The following ATXN1L variants were observed in gnomAD, a reference collection of about 807,000 sequenced individuals.
ATXN1L encodes the protein ataxin 1 like, also known as ataxin-1-like.
Under a neutral mutation model 43.4 loss-of-function variants are expected in ATXN1L, and 8 were observed. The observed-to-expected ratio is 0.18, with a 90% CI of 0.11 to 0.33. The LOEUF (loss-of-function observed/expected upper bound fraction) is 0.33. Among genes scored for constraint, ATXN1L ranks in the 10% least tolerant of loss-of-function variants. ATXN1L has a pLI of 1.00. For synonymous variants in ATXN1L, 379 were observed against 360.6 expected, an observed-to-expected ratio of 1.05 and a Z score of -0.58; for missense variants, 856 against 885.4, an observed-to-expected ratio of 0.97 and a Z score of 0.42.
At position 71,851,282 on chromosome 16, in the gene ATXN1L, G is replaced by C; in HGVS notation, c.1542G>C (p.Gln514His). 1 of 1,551,666 alleles carries C rather than the reference G, an allele frequency of 6.4e-7. No individual in the cohort carries two copies. The highest frequency in any genetic ancestry group is 8.7e-7 in the Non-Finnish European group (1 of 1,146,986). The change falls in exon 3 of 3, where the codon CAG becomes CAC. Residue 514 changes from glutamine to histidine, a missense_variant. Gln to His is a conservative substitution (Grantham distance 24). Transcript: ENST00000427980. This position sits in a 1 kb window ranked among gnomAD's most constrained non-coding sequence, Gnocchi z 4.9. ...KIDSSTVVDI[Q>H]ESQWPGFVML... The stretch of plus-strand genomic sequence containing the variant: ...ACTCTAGCACGGTCGTGGACATTCA[G>C]GAGAGCCAATGGCCTGGATTTGTCA...
rs1343153012 is a variant in ATXN1L at position 71,857,083 on chromosome 16, C to G, written c.*5273C>G. 1.8e-5 allele frequency: 3 copies of G among 167,062 alleles called. No homozygotes were observed. The highest frequency in any genetic ancestry group is 1.3e-4 in the Admixed American group (2 of 15,278). 10.3% of individuals were successfully genotyped at this position (167,062 alleles called of 1,614,324 possible). On this transcript the variant is annotated 3_prime_UTR_variant, in exon 3 of 3. Transcript: ENST00000427980. Reference sequence around the variant, plus strand: ...GCATTAATAATTCTAAGGATAATCTCTATTTTGTTGTGCTTTTTTGTAACT... The same window carrying G: ...GCATTAATAATTCTAAGGATAATCTGTATTTTGTTGTGCTTTTTTGTAACT...
At position 71,850,054 on chromosome 16, in the gene ATXN1L, C is replaced by T. The variant is rs1443426154; in HGVS notation, c.314C>T (p.Pro105Leu). 1 of 1,551,550 alleles carries T rather than the reference C, an allele frequency of 6.4e-7. No individual in the cohort carries two copies. Among genetic ancestry groups the T allele is most frequent in the Non-Finnish European group, 8.7e-7 (1 of 1,146,996 alleles). Reference sequence around the variant, plus strand: ...CTCCCATCTGTGGTGAATATGAGTCCCTTGCCCCCAACGTTTAATGTAGCG... The same window carrying T: ...CTCCCATCTGTGGTGAATATGAGTCTCTTGCCCCCAACGTTTAATGTAGCG... ...TGLPSVVNMSPLPPTFNVASS... is the reference protein window; with the variant it reads ...TGLPSVVNMSLLPPTFNVASS... The change falls in exon 3 of 3, where the codon CCC (proline) becomes CTC (leucine). Residue 105 changes from proline (P) to leucine (L), a missense_variant. By Grantham distance (98) the Pro-to-Leu change is moderately conservative. Coordinates refer to ENST00000427980, the MANE Select transcript of ATXN1L (RefSeq NM_001137675.4).
At chr16:71,849,314 G>T (rs2033474749) in intron 2 of ATXN1L, among the ~76,000 whole-genome samples, 1 of 151,710 alleles carries the variant, frequency 6.6e-6, no homozygotes, top group Admixed American at 6.6e-5. Context: ...GAGACAAGGT[G>T]CTTATGAGAC....
intron 1 of ATXN1L, among the ~76,000 whole-genome samples, chr16:71,847,065 C>T (rs1409981722): frequency 6.6e-6 from 1 of 152,160 alleles, no homozygotes; most frequent in African/African-American, 2.4e-5. Flanking sequence ...AATTTGTTTT[C>T]CCACTGTGTT....
chr16:71,851,674 A>G lies in ATXN1L; in HGVS notation c.1934A>G (p.Gln645Arg). 1.3e-6 allele frequency: 2 copies of G among 1,508,774 alleles called. No individual in the cohort carries two copies. The highest frequency in any genetic ancestry group is 1.8e-6 in the Non-Finnish European group (2 of 1,122,936). The allele number at this position is 1,508,774 out of a possible 1,614,324, so 93.5% of individuals were successfully genotyped here. A position where few individuals can be genotyped will look rare whatever the true frequency, so the allele number is the denominator to read the frequency against. The change falls in exon 3 of 3, where the codon CAG becomes CGG. Residue 645 changes from glutamine to arginine, a missense_variant. By Grantham distance (43) the Gln-to-Arg change is conservative. Coordinates refer to ENST00000427980, the MANE Select transcript of ATXN1L (RefSeq NM_001137675.4). The surrounding 1 kb of genome is among the most constrained non-coding windows in gnomAD (Gnocchi z 4.9). ...VEPSQPESGA[Q>R]ACWPAPSFQR... The stretch of plus-strand genomic sequence containing the variant: ...CCTTCCCAGCCTGAGTCCGGTGCTC[A>G]GGCCTGCTGGCCAGCCCCGAGCTTC...
rs191935044 is a variant in ATXN1L, at chr16:71,853,594, G to C, written c.*1784G>C. 6.0e-6 allele frequency: 1 copy of C among 167,100 alleles called. No individual in the cohort carries two copies. Among genetic ancestry groups the C allele is most frequent in the Admixed American group, 6.5e-5 (1 of 15,286 alleles). The allele number at this position is 167,100 out of a possible 1,614,324, so 10.4% of individuals were successfully genotyped here. ...ACTTTCGGCAAGTCTCGTGACCTCT[G>C]GCTCTTTCACTTCCTCCCCACCTGC... On this transcript the variant is annotated 3_prime_UTR_variant, in exon 3 of 3. Transcript: ENST00000427980.
Position 71,850,820 on chromosome 16 carries a change from C to G in ATXN1L, c.1080C>G (p.Pro360=). 6.4e-7 allele frequency: 1 copy of G among 1,551,696 alleles called. No individual in the cohort carries two copies. The highest frequency in any genetic ancestry group is 8.7e-7 in the Non-Finnish European group (1 of 1,146,994). ...RVVAAQRKEE[P]SPLNLSHHTP... ...TGGCAGCTCAGAGGAAGGAGGAACC[C>G]AGCCCCCTCAACCTATCCCATCATA... Residue 360 remains proline (P), a synonymous_variant, in exon 3 of 3, where the codon CCC becomes CCG. Coordinates refer to ENST00000427980, the MANE Select transcript of ATXN1L (RefSeq NM_001137675.4).
Position 71,852,440 on chromosome 16 carries a change from AC to A in ATXN1L, c.*632del, listed in dbSNP as rs890654910. ...TCATAGCCCTTCCCCATCTCTCCTCACCATTCTGCCTACAAGGCTTCTAGCA... is the reference window on the plus strand; with the variant it reads ...TCATAGCCCTTCCCCATCTCTCCTCACATTCTGCCTACAAGGCTTCTAGCA... On this transcript the variant is annotated 3_prime_UTR_variant, in exon 3 of 3. Transcript: ENST00000427980. 7.8e-5 allele frequency: 13 copies of A among 167,078 alleles called. No individual in the cohort carries two copies. Among genetic ancestry groups the A allele is most frequent in the African/African-American group, 3.1e-4 (13 of 41,384 alleles). The allele number at this position is 167,078 out of a possible 1,614,324, so 10.3% of individuals were successfully genotyped here.
rs1389276104 is a variant in ATXN1L at position 71,851,148 on chromosome 16, A to G, written c.1408A>G (p.Met470Val). 3.2e-6 allele frequency: 5 copies of G among 1,551,464 alleles called. No individual in the cohort carries two copies. Among genetic ancestry groups the G allele is most frequent in the Non-Finnish European group, 3.5e-6 (4 of 1,146,974 alleles). Residue 470 changes from methionine (M) to valine (V), a missense_variant, in exon 3 of 3, where the codon ATG becomes GTG. By Grantham distance (21) the Met-to-Val change is conservative. Transcript: ENST00000427980. The surrounding 1 kb of genome is among the most constrained non-coding windows in gnomAD (Gnocchi z 4.9). ...CTCCTCTCACTTGCCTTCCCATTTC[A>G]TGAAAGGCGCCATCATCCAGCTGGC... is the stretch of plus-strand genomic sequence containing the variant. ...ITSSHLPSHFMKGAIIQLATG... is the reference protein window; with the variant it reads ...ITSSHLPSHFVKGAIIQLATG...
intron 1 of ATXN1L, among the ~76,000 whole-genome samples, 167 bp downstream of exon 1, chr16:71,846,271 C>G (rs1253601607): frequency 6.6e-6 from 1 of 152,172 alleles, no homozygotes; most frequent in Admixed American, 6.5e-5. Context: ...TTCTCTCTGG[C>G]CTGTCCTGGA....
rs1458235284 is a variant in ATXN1L at position 71,850,358 on chromosome 16, C to T, written c.618C>T (p.Ser206=). ...HSFNKAPSAT[S]PSGQLPHHSS... is the part of the protein sequence containing the mutation. ...TTAACAAAGCTCCCTCTGCCACCTC[C>T]CCATCTGGGCAATTGCCACATCATT... The change falls in exon 3 of 3, where the codon TCC becomes TCT. Residue 206 remains serine, a synonymous_variant. Transcript: ENST00000427980. 4 of 1,551,732 alleles carry T rather than the reference C, an allele frequency of 2.6e-6. No homozygotes were observed. Among genetic ancestry groups the T allele is most frequent in the Non-Finnish European group, 2.6e-6 (3 of 1,146,996 alleles).
chr16:71,847,434 AT>A (rs989952317), intron 1 of ATXN1L, among the ~76,000 whole-genome samples: 265 of 150,846 alleles, frequency 1.8e-3, no homozygotes, highest in South Asian at 9.4e-3. Flanking sequence ...ACATATGCTC[AT>A]TTTTTTTTAA....
At position 71,849,773 on chromosome 16, in the gene ATXN1L, C is replaced by T. The variant is rs1255552498; in HGVS notation, c.33C>T (p.Cys11=). ...CTGTTCATGAAAGGAGTCAGGAATG[C>T]CTTCCACCAAAGAAACGAGACCTCC... The part of the protein sequence containing the change: MKPVHERSQE[C]LPPKKRDLPV... Residue 11 remains cysteine, a synonymous_variant, in exon 3 of 3, where the codon TGC becomes TGT. Coordinates refer to ENST00000427980, the MANE Select transcript of ATXN1L (RefSeq NM_001137675.4). 1 of 1,532,248 alleles carries T rather than the reference C, an allele frequency of 6.5e-7. No homozygotes were observed. The highest frequency in any genetic ancestry group is 2.0e-5 in the Admixed American group (1 of 49,082). 94.9% of individuals were successfully genotyped at this position (1,532,248 alleles called of 1,614,324 possible).
rs1396510498 is a variant in ATXN1L, at chr16:71,854,662, T to C, written c.*2852T>C. 1 of 167,066 alleles carries C rather than the reference T, an allele frequency of 6.0e-6. No individual in the cohort carries two copies. The highest frequency in any genetic ancestry group is 1.5e-5 in the Non-Finnish European group (1 of 68,116). The allele number at this position is 167,066 out of a possible 1,614,324, so 10.3% of individuals were successfully genotyped here. Reference sequence around the variant, plus strand: ...TTGCAGGAGACATGAGAGCAGTTTTTAGCGAGTATTTTAGTGGGAAGTTGC... The same window carrying C: ...TTGCAGGAGACATGAGAGCAGTTTTCAGCGAGTATTTTAGTGGGAAGTTGC... On this transcript the variant is annotated 3_prime_UTR_variant, in exon 3 of 3. Coordinates refer to ENST00000427980, the MANE Select transcript of ATXN1L (RefSeq NM_001137675.4).
rs754887791 is a variant in ATXN1L, at chr16:71,850,147, C to T, written c.407C>T (p.Ser136Leu). The T allele has an allele frequency of 2.4e-5, 38 of 1,551,774 alleles. No individual in the cohort carries two copies. Among genetic ancestry groups the T allele is most frequent in the African/African-American group, 4.1e-5 (3 of 73,166 alleles). Residue 136 changes from serine to leucine, a missense_variant, in exon 3 of 3, where the codon TCG (serine) becomes TTG (leucine). Transcript: ENST00000427980. ...PLHYAQLPSTSLQFIGSPYSL... is the reference protein window; with the variant it reads ...PLHYAQLPSTLLQFIGSPYSL... ...CACTATGCTCAGCTCCCATCCACCT[C>T]GCTGCAGTTCATTGGGTCTCCTTAT...
chr16:71,851,821 C>G lies in ATXN1L; in HGVS notation c.*11C>G. On this transcript the variant is annotated 3_prime_UTR_variant, in exon 3 of 3. Transcript: ENST00000427980. The surrounding 1 kb of genome is among the most constrained non-coding windows in gnomAD (Gnocchi z 4.9). ...AATGCGGGAAAATGAACCTCTTCCCCAGACCAGGACTGGGGCTTTACCCCA... is the reference window on the plus strand; with the variant it reads ...AATGCGGGAAAATGAACCTCTTCCCGAGACCAGGACTGGGGCTTTACCCCA... 1.4e-6 allele frequency: 2 copies of G among 1,425,746 alleles called. No homozygotes were observed. The highest frequency in any genetic ancestry group is 1.8e-6 in the Non-Finnish European group (2 of 1,084,630). 88.3% of individuals were successfully genotyped at this position (1,425,746 alleles called of 1,614,324 possible). A position where few individuals can be genotyped will look rare whatever the true frequency, so the allele number is the denominator to read the frequency against.
rs913333887 is a variant in ATXN1L, at chr16:71,850,606, C to T, written c.866C>T (p.Ser289Phe). 5 of 1,551,594 alleles carry T rather than the reference C, an allele frequency of 3.2e-6. No individual in the cohort carries two copies. The African/African-American group carries it at 5.5e-5, about 17-fold the overall frequency. The part of the protein sequence containing the change: ...LVRRESEALD[S>F]PNSKGEGQGL... The stretch of plus-strand genomic sequence containing the variant: ...AGACGGGAAAGTGAAGCCCTTGACT[C>T]CCCCAACAGCAAGGGTGAAGGCCAG... The change falls in exon 3 of 3, where the codon TCC (serine) becomes TTC (phenylalanine). Residue 289 changes from serine to phenylalanine, a missense_variant. Coordinates refer to ENST00000427980, the MANE Select transcript of ATXN1L (RefSeq NM_001137675.4).
In ATXN1L at chr16:71,850,635, C is replaced by T. The variant is rs1006015843; in HGVS notation, c.895C>T (p.Leu299=). The T allele has an allele frequency of 2.6e-6, 4 of 1,551,616 alleles. No homozygotes were observed. In the African/African-American group the frequency reaches 5.5e-5, roughly 21 times the overall value. The change falls in exon 3 of 3, where the codon CTG becomes TTG. Residue 299 remains leucine (L), a synonymous_variant. Transcript: ENST00000427980. Reference sequence around the variant, plus strand: ...CAACAGCAAGGGTGAAGGCCAGGGACTGGTGCCAGTGGTAGAATGTGTGGT... The same window carrying T: ...CAACAGCAAGGGTGAAGGCCAGGGATTGGTGCCAGTGGTAGAATGTGTGGT... ...SPNSKGEGQG[L]VPVVECVVDG... is the part of the protein sequence containing the mutation.
Position 71,850,872 on chromosome 16 carries a change from G to C in ATXN1L, c.1132G>C (p.Gly378Arg), listed in dbSNP as rs766226090. 3.2e-6 allele frequency: 5 copies of C among 1,551,598 alleles called. No individual in the cohort carries two copies. The highest frequency in any genetic ancestry group is 4.4e-6 in the Non-Finnish European group (5 of 1,147,004). ...HTPDHQGEGRGSARNPAELAE... is the reference protein window; with the variant it reads ...HTPDHQGEGRRSARNPAELAE... The stretch of plus-strand genomic sequence containing the variant: ...CCCCGACCATCAGGGTGAGGGGCGA[G>C]GGTCAGCCAGGAACCCTGCAGAGCT... Residue 378 changes from glycine (G) to arginine (R), a missense_variant, in exon 3 of 3, where the codon GGG becomes CGG. Gly to Arg is a moderately radical substitution (Grantham distance 125). Around this residue, in one of 7 missense-constraint regions of ATXN1L, gnomAD observed 490 missense variants for 449.4 expected, o/e 1.09. Coordinates refer to ENST00000427980, the MANE Select transcript of ATXN1L (RefSeq NM_001137675.4).
Sources: allele counts gnomAD v4.1 joint callset (sites outside exome capture counted in the v4.1 genomes callset), GRCh38; gene constraint gnomAD v4.1.1; regional missense constraint gnomAD v4.1.1; non-coding constraint Gnocchi (gnomAD v3.1); transcripts MANE v1.5; gene names NCBI Gene and HGNC (gene_info 2026-07-23, HGNC 2026-07-21).